Variants in KIAA0408 observed in about 807,000 individuals in gnomAD.
KIAA0408 encodes the protein uncharacterized protein KIAA0408.
KIAA0408 carries 51 observed loss-of-function variants against 60.9 expected under a neutral mutation model. The ratio of observed to expected loss-of-function variants is 0.84; its 90% CI spans 0.67 to 1.06. The LOEUF (loss-of-function observed/expected upper bound fraction) is 1.06, where lower values mean the gene tolerates loss of function less well. Among genes scored for constraint, KIAA0408 ranks in the 50% least tolerant of loss-of-function variants. The probability of loss-of-function intolerance (pLI) is 0.00; values close to 1 mark genes in which losing one functional copy is unlikely to be tolerated. For missense variants in KIAA0408, 787 were observed against 833.9 expected, an observed-to-expected ratio of 0.94 and a Z score of 0.69; for synonymous variants, 304 against 282.4, an observed-to-expected ratio of 1.08 and a Z score of -0.77.
At chr6:127,448,770 G>A (rs1395743171) in intron 4 of KIAA0408, among the ~76,000 whole-genome samples, 1 of 152,122 alleles carries the variant, frequency 6.6e-6, no homozygotes, top group Non-Finnish European at 1.5e-5. Flanking sequence ...TCTATTGCAA[G>A]TCAGCACAAA....
intron 1 of KIAA0408, among the ~76,000 whole-genome samples, chr6:127,454,993 T>C (rs1773368456): frequency 6.6e-6 from 1 of 152,142 alleles, no homozygotes; most frequent in South Asian, 2.1e-4. Context: ...TTTAGTTTTT[T>C]GCATTAAAAT....
chr6:127,449,214 A>G (rs1773254664), intron 4 of KIAA0408, among the ~76,000 whole-genome samples: 1 of 152,230 alleles, frequency 6.6e-6, no homozygotes, highest in South Asian at 2.1e-4. Context: ...CAGAATGAGA[A>G]AGAACTACTT....
chr6:127,457,536 A>G (rs1396063836), intron 1 of KIAA0408, among the ~76,000 whole-genome samples: 2 of 152,258 alleles, frequency 1.3e-5, no homozygotes, highest in Non-Finnish European at 2.9e-5. Flanking sequence ...GTAAGAGGAC[A>G]GAGTGAGCTG....
At chr6:127,454,226 A>C in intron 1 of KIAA0408, 125 bp from the exon 2 acceptor site, 1 of 896,762 alleles carries the variant, frequency 1.1e-6, no homozygotes, top group Non-Finnish European at 1.4e-6. Context: ...AAAAGAGATG[A>C]CAACAGTCTA....
Position 127,443,638 on chromosome 6 carries a change from T to G in KIAA0408, c.*471A>C, listed in dbSNP as rs1307053781. 10 of 153,258 alleles carry G rather than the reference T, an allele frequency of 6.5e-5. No homozygotes were observed. Among genetic ancestry groups the G allele is most frequent in the Admixed American group, 6.5e-4 (10 of 15,430 alleles). The allele number at this position is 153,258 out of a possible 1,614,324, so 9.5% of individuals were successfully genotyped here. A position where few individuals can be genotyped will look rare whatever the true frequency, so the allele number is the denominator to read the frequency against. ...GCAAATGCCTTAAGTGGATACCTAT[T>G]AAAAGGTATACAAAATATAAACAGT... is the stretch of plus-strand genomic sequence containing the variant. On this transcript the variant is annotated 3_prime_UTR_variant, in exon 6 of 6. Transcript: ENST00000483725.
In KIAA0408 at chr6:127,447,220, TC is replaced by T. The variant is rs763977345; in HGVS notation, c.1098del (p.Ile367Ter). On this transcript the variant is annotated frameshift_variant, in exon 5 of 6. Coordinates refer to ENST00000483725, the MANE Select transcript of KIAA0408 (RefSeq NM_014702.5). LOFTEE classifies it high-confidence loss of function. ...VGLSMWSCDI[G>X]IGAKRSPSTS... ...GTAGAGGGGCTCCTTTTTGCACCTA[TC>T]CCAATGTCACATGACCACATGCTAA... 6.2e-7 allele frequency: 1 copy of T among 1,612,786 alleles called. No homozygotes were observed. The highest frequency in any genetic ancestry group is 8.5e-7 in the Non-Finnish European group (1 of 1,179,580).
At chr6:127,456,991 T>TC (rs766954534) in intron 1 of KIAA0408, among the ~76,000 whole-genome samples, 10 of 151,992 alleles carry the variant, frequency 6.6e-5, no homozygotes, top group Non-Finnish European at 1.2e-4. Context: ...CATCTATCCC[T>TC]CTCCATGTTG....
Position 127,443,358 on chromosome 6 carries a change from A to G in KIAA0408, c.*751T>C, listed in dbSNP as rs552143566. ...GAGGATCAAATATTCAGTTAAAGCC[A>G]TACTAGACTACCAAATAATATATAA... On this transcript the variant is annotated 3_prime_UTR_variant, in exon 6 of 6. Transcript: ENST00000483725. 3 of 152,302 alleles carry G rather than the reference A, an allele frequency of 2.0e-5. No homozygotes were observed. The highest frequency in any genetic ancestry group is 4.8e-5 in the African/African-American group (2 of 41,574). The allele number at this position is 152,302 out of a possible 1,614,324, so 9.4% of individuals were successfully genotyped here.
rs1435149583 is a variant in KIAA0408, at chr6:127,442,920, T to C, written c.*1189A>G. The C allele has an allele frequency of 6.6e-6, 1 of 152,208 alleles. No homozygotes were observed. The highest frequency in any genetic ancestry group is 6.6e-5 in the Admixed American group (1 of 15,264). 9.4% of individuals were successfully genotyped at this position (152,208 alleles called of 1,614,324 possible). A position where few individuals can be genotyped will look rare whatever the true frequency, so the allele number is the denominator to read the frequency against. On this transcript the variant is annotated 3_prime_UTR_variant, in exon 6 of 6. Coordinates refer to ENST00000483725, the MANE Select transcript of KIAA0408 (RefSeq NM_014702.5). ...ATATAGATTTTATGTGTTCACTGTATGCAAACTGTAGCCAAAATACACATT... is the reference window on the plus strand; with the variant it reads ...ATATAGATTTTATGTGTTCACTGTACGCAAACTGTAGCCAAAATACACATT...
rs571542448 is a variant in KIAA0408 at position 127,438,847 on chromosome 6, G to A, written c.*5262C>T. On this transcript the variant is annotated 3_prime_UTR_variant, in exon 6 of 6. Transcript: ENST00000483725. ...TGGAAATTACTGTATGCTTGCTATGGTTTGAATACGTACCTCCAAAATTCA... is the reference window on the plus strand; with the variant it reads ...TGGAAATTACTGTATGCTTGCTATGATTTGAATACGTACCTCCAAAATTCA... The A allele has an allele frequency of 6.6e-6, 1 of 152,300 alleles. No individual in the cohort carries two copies. The highest frequency in any genetic ancestry group is 2.4e-5 in the African/African-American group (1 of 41,558). 9.4% of individuals were successfully genotyped at this position (152,300 alleles called of 1,614,324 possible).
At chr6:127,458,477 CT>C (rs2114810242) in intron 1 of KIAA0408, among the ~76,000 whole-genome samples, 1 of 152,256 alleles carries the variant, frequency 6.6e-6, no homozygotes, top group African/African-American at 2.4e-5. Context: ...TCCTTGTTTT[CT>C]TTACAGTTAT....
Position 127,447,517 on chromosome 6 carries a change from G to C in KIAA0408, c.802C>G (p.Pro268Ala). 6.2e-7 allele frequency: 1 copy of C among 1,610,722 alleles called. No individual in the cohort carries two copies. ...TTTCGAGAGGTGCTTCTTGGAGGAG[G>C]AACTGGTGGAGTTTCATTTCTTTTT... ...DLKRNETPPV[P>A]PPRSTSRNFP... The change falls in exon 5 of 6, where the codon CCT becomes GCT. Residue 268 changes from proline to alanine, a missense_variant. Transcript: ENST00000483725.
chr6:127,444,423 T>A (rs926141892), intron 5 of KIAA0408, 141 bp from the exon 6 acceptor site: 16 of 635,632 alleles, frequency 2.5e-5, no homozygotes, highest in African/African-American at 3.8e-5. Context: ...AAGGTAGTTG[T>A]CTAATATTTG....
At position 127,442,527 on chromosome 6, in the gene KIAA0408, C is replaced by T. The variant is rs1773122617; in HGVS notation, c.*1582G>A. On this transcript the variant is annotated 3_prime_UTR_variant, in exon 6 of 6. Coordinates refer to ENST00000483725, the MANE Select transcript of KIAA0408 (RefSeq NM_014702.5). ...CTTAGTTACCATCCAATACAAATCA[C>T]TCTAGACCTTTAATTCCACTTAACT... 1 of 152,214 alleles carries T rather than the reference C, an allele frequency of 6.6e-6. No individual in the cohort carries two copies. The highest frequency in any genetic ancestry group is 1.5e-5 in the Non-Finnish European group (1 of 68,040). 9.4% of individuals were successfully genotyped at this position (152,214 alleles called of 1,614,324 possible).
intron 4 of KIAA0408, among the ~76,000 whole-genome samples, chr6:127,447,956 C>G (rs1306837682): frequency 3.3e-5 from 5 of 152,176 alleles, no homozygotes; most frequent in African/African-American, 1.2e-4. Flanking sequence ...GCTCTACACA[C>G]TCTGACTCAA....
At chr6:127,455,283 T>C (rs940227355) in intron 1 of KIAA0408, among the ~76,000 whole-genome samples, 1 of 152,182 alleles carries the variant, frequency 6.6e-6, no homozygotes. Context: ...TGGCAGCTAA[T>C]GCTAATTACG....
In KIAA0408 at chr6:127,446,889, G is replaced by A; in HGVS notation, c.1430C>T (p.Thr477Ile). 6.2e-7 allele frequency: 1 copy of A among 1,614,002 alleles called. No individual in the cohort carries two copies. Among genetic ancestry groups the A allele is most frequent in the Non-Finnish European group, 8.5e-7 (1 of 1,179,980 alleles). Residue 477 changes from threonine to isoleucine, a missense_variant, in exon 5 of 6, where the codon ACC (threonine) becomes ATC (isoleucine). This residue lies in a region of KIAA0408 where 640 missense variants were observed against 681.3 expected (regional missense o/e 0.94). Coordinates refer to ENST00000483725, the MANE Select transcript of KIAA0408 (RefSeq NM_014702.5). ...TATGCTACCTGTGTGAGTAGATGAG[G>A]TATCACAGGGCTTGAGATCCTCCGA... The part of the protein sequence containing the change: ...KSSEDLKPCD[T>I]SSTHTGSISQ...
chr6:127,451,085 A>T (rs1156601092), intron 2 of KIAA0408: 1 of 317,438 alleles, frequency 3.2e-6, no homozygotes, highest in Non-Finnish European at 6.2e-6. Context: ...GCACACACTC[A>T]TTCAGTTCAC....
Position 127,447,192 on chromosome 6 carries a change from G to A in KIAA0408, c.1127C>T (p.Ser376Leu), listed in dbSNP as rs374099610. The A allele has an allele frequency of 1.7e-5, 27 of 1,611,990 alleles. No individual in the cohort carries two copies. In the East Asian group the frequency reaches 4.5e-4, roughly 27 times the overall value. Reference sequence around the variant, plus strand: ...GGTAGAGCAGGTTTTCTGAAACCACGAAGTAGAGGGGCTCCTTTTTGCACC... The same window carrying A: ...GGTAGAGCAGGTTTTCTGAAACCACAAAGTAGAGGGGCTCCTTTTTGCACC... ...GIGAKRSPST[S>L]WFQKTCSTPS... The change falls in exon 5 of 6, where the codon TCG becomes TTG. Residue 376 changes from serine (S) to leucine (L), a missense_variant. Physicochemically the swap from Ser to Leu is moderately radical, Grantham distance 145. Around this residue, in one of 3 missense-constraint regions of KIAA0408, gnomAD observed 640 missense variants for 681.3 expected, o/e 0.94. Coordinates refer to ENST00000483725, the MANE Select transcript of KIAA0408 (RefSeq NM_014702.5).
Sources: gnomAD v4.1 joint callset for allele counts (sites outside exome capture counted in the v4.1 genomes callset) on GRCh38, gnomAD v4.1.1 for gene constraint, gnomAD v4.1.1 regional missense constraint, MANE v1.5 for transcripts, NCBI Gene and HGNC (gene_info 2026-07-23, HGNC 2026-07-21) for gene names.